GPM6A: variants seen among roughly 807,000 people sequenced by gnomAD.
GPM6A encodes the protein neuronal membrane glycoprotein M6-a.
In GPM6A, 7 loss-of-function variants were observed where a neutral mutation model predicts 32.1. The observed-to-expected ratio is 0.22, with a 90% CI of 0.12 to 0.41. The LOEUF is 0.41. Ranked by LOEUF, GPM6A falls within the 10% of genes least tolerant of loss-of-function variation. GPM6A has a pLI of 1.00. For missense variants in GPM6A, 235 were observed against 347.2 expected (o/e 0.68, Z 2.57); for synonymous variants, 130 against 123.4 (o/e 1.05, Z -0.35).
intron 1 of GPM6A, among the ~76,000 whole-genome samples, chr4:175,718,216 C>T (rs1303006710): frequency 6.6e-6 from 1 of 152,142 alleles, no homozygotes; most frequent in African/African-American, 2.4e-5. Context: ...ATCCCCTACA[C>T]AAGAATTAAC....
At chr4:175,868,269 TTTG>T (rs1736801478) in intron 1 of GPM6A, among the ~76,000 whole-genome samples, 1 of 152,354 alleles carries the variant, frequency 6.6e-6, no homozygotes, top group Non-Finnish European at 1.5e-5. Flanking sequence ...CAGCTTGTTA[TTTG>T]TTGTTAGGAA....
intron 3 of GPM6A, among the ~76,000 whole-genome samples, chr4:175,655,657 C>G (rs777846888): frequency 6.6e-6 from 1 of 151,918 alleles, no homozygotes; most frequent in Non-Finnish European, 1.5e-5. Flanking sequence ...TGATTCAACT[C>G]TTTCTGAAAT....
chr4:175,777,215 T>C (rs1015644006), intron 1 of GPM6A, among the ~76,000 whole-genome samples: 1 of 152,170 alleles, frequency 6.6e-6, no homozygotes, highest in Non-Finnish European at 1.5e-5. Context: ...AATAACTAGC[T>C]ATAGGACCAT....
In GPM6A at chr4:175,651,856, G is replaced by A. The variant is rs1461776059; in HGVS notation, c.519C>T (p.Leu173=). 4.3e-6 allele frequency: 7 copies of A among 1,612,900 alleles called. No individual in the cohort carries two copies. Among genetic ancestry groups the A allele is most frequent in the Non-Finnish European group, 5.9e-6 (7 of 1,179,462 alleles). ...RNTTLVEGAN[L]CLDLRQFGIV... is the part of the protein sequence containing the mutation. ...TACCAAACTGACGAAGGTCCAAGCA[G>A]AGATTTGCTCCCTCCACTAATGTGG... Residue 173 remains leucine (L), a synonymous_variant, in exon 4 of 7, where the codon CTC becomes CTT. Transcript: ENST00000393658.
chr4:175,810,660 C>A (rs2111328591), intron 1 of GPM6A, among the ~76,000 whole-genome samples: 1 of 152,298 alleles, frequency 6.6e-6, no homozygotes, highest in East Asian at 1.9e-4. Flanking sequence ...TAATGAATAT[C>A]ATTCCTCTAT....
At chr4:175,636,824 ATATATTATATATAAAATATATATTTT>A (rs1579322508) in intron 6 of GPM6A, among the ~76,000 whole-genome samples, 1 of 145,102 alleles carries the variant, frequency 6.9e-6, no homozygotes, top group Non-Finnish European at 1.5e-5. Flanking sequence ...TTTACATAAT[ATATATTATATATAAAATATATATTTT>A]TATATTATAT....
chr4:175,778,764 A>G (rs1326397769), intron 1 of GPM6A, among the ~76,000 whole-genome samples: 1 of 150,544 alleles, frequency 6.6e-6, no homozygotes, highest in Admixed American at 6.6e-5. Context: ...GACTATAATT[A>G]CCTAATGACT....
At chr4:175,767,752 A>G (rs1429490481) in intron 1 of GPM6A, among the ~76,000 whole-genome samples, 1 of 152,202 alleles carries the variant, frequency 6.6e-6, no homozygotes, top group Non-Finnish European at 1.5e-5. Context: ...AATTTCCTTA[A>G]ATATGTTCAG....
intron 1 of GPM6A, among the ~76,000 whole-genome samples, chr4:175,895,880 TAAACCC>T (rs1378105748): frequency 1.3e-5 from 2 of 152,078 alleles, no homozygotes; most frequent in Admixed American, 6.6e-5. Context: ...TACCTTGGCA[TAAACCC>T]TGAAATATTT....
chr4:175,676,530 C>T (rs1743375506), intron 2 of GPM6A, among the ~76,000 whole-genome samples: 1 of 152,210 alleles, frequency 6.6e-6, no homozygotes, highest in Non-Finnish European at 1.5e-5. Context: ...GAGAGGATCA[C>T]TTGAACCATA....
At chr4:175,926,985 A>T (rs1389742948) in intron 1 of GPM6A, among the ~76,000 whole-genome samples, 1 of 152,236 alleles carries the variant, frequency 6.6e-6, no homozygotes, top group Non-Finnish European at 1.5e-5. Context: ...CCATGCTGTT[A>T]ATAAAATACT....
At chr4:175,760,344 T>G (rs1732689992) in intron 1 of GPM6A, among the ~76,000 whole-genome samples, 1 of 152,096 alleles carries the variant, frequency 6.6e-6, no homozygotes, top group African/African-American at 2.4e-5. Flanking sequence ...TTTGTGAAAT[T>G]CAAAATGAAG....
At chr4:175,989,335 T>C (rs1483912369) in intron 1 of GPM6A, among the ~76,000 whole-genome samples, 1 of 152,132 alleles carries the variant, frequency 6.6e-6, no homozygotes, top group Non-Finnish European at 1.5e-5. Context: ...ATTCATCGTT[T>C]GAGCTTTAAA....
chr4:175,717,213 T>C (rs2111106410), intron 1 of GPM6A, among the ~76,000 whole-genome samples: 1 of 152,326 alleles, frequency 6.6e-6, no homozygotes, highest in South Asian at 2.1e-4. Context: ...CTGTTTCCTC[T>C]GCCTTGATGA....
At chr4:175,969,223 CAAT>C (rs922184062) in intron 1 of GPM6A, among the ~76,000 whole-genome samples, 1 of 151,970 alleles carries the variant, frequency 6.6e-6, no homozygotes, top group African/African-American at 2.4e-5. Flanking sequence ...TCTATAGAGA[CAAT>C]AAAGTGATCA....
At chr4:175,994,943 A>G (rs562850163) in intron 1 of GPM6A, among the ~76,000 whole-genome samples, 3 of 152,364 alleles carry the variant, frequency 2.0e-5, no homozygotes, top group East Asian at 1.9e-4. Flanking sequence ...TACCAGAAGT[A>G]AATTCCATTT....
At chr4:175,680,210 G>T (rs950262852) in intron 2 of GPM6A, among the ~76,000 whole-genome samples, 1 of 151,984 alleles carries the variant, frequency 6.6e-6, no homozygotes, top group South Asian at 2.1e-4. Flanking sequence ...ACATATTTTA[G>T]AAATATTGAG....
intron 1 of GPM6A, among the ~76,000 whole-genome samples, chr4:175,946,992 G>T (rs1210263818): frequency 6.6e-6 from 1 of 152,100 alleles, no homozygotes; most frequent in Non-Finnish European, 1.5e-5. Context: ...TTAAGAGCCT[G>T]CATTTGAAAA....
chr4:175,928,341 T>C (rs1326604231), intron 1 of GPM6A, among the ~76,000 whole-genome samples: 1 of 152,244 alleles, frequency 6.6e-6, no homozygotes, highest in Non-Finnish European at 1.5e-5. Flanking sequence ...GAAAATTTCC[T>C]ATGTGGGAAA....
Sources: allele counts gnomAD v4.1 joint callset (sites outside exome capture counted in the v4.1 genomes callset), GRCh38; gene constraint gnomAD v4.1.1; transcripts MANE v1.5; gene names NCBI Gene and HGNC (gene_info 2026-07-23, HGNC 2026-07-21).